The following CEP128 variants were observed in gnomAD, a reference collection of about 807,000 sequenced individuals.
The protein encoded by CEP128 is centrosomal protein 128kDa.
A neutral mutation model predicts 156.7 loss-of-function variants in CEP128; 132 were observed. That is an observed-to-expected ratio of 0.84 (90% CI 0.73 to 0.97). The LOEUF (loss-of-function observed/expected upper bound fraction) is 0.97. Ranked by LOEUF, CEP128 falls within the 50% of genes least tolerant of loss-of-function variation. The pLI, the probability that CEP128 is intolerant of heterozygous loss-of-function variation, is 0.00. For synonymous variants in CEP128, 469 were observed against 448.9 expected (o/e 1.04, Z -0.57); for missense variants, 1,252 against 1,281.9 (o/e 0.98, Z 0.36).
chr14:80,879,826 C>A (rs1412913386), intron 8 of CEP128, among the ~76,000 whole-genome samples: 1 of 113,132 alleles, frequency 8.8e-6, no homozygotes, highest in Non-Finnish European at 1.9e-5. Context: ...ATCTACGAAG[C>A]TCAAATGTTC....
At chr14:80,825,202 G>T (rs777500192) in intron 13 of CEP128, among the ~76,000 whole-genome samples, 2 of 152,196 alleles carry the variant, frequency 1.3e-5, no homozygotes, top group Admixed American at 6.5e-5. Context: ...TGAGATTTCG[G>T]TGGGGACACA....
At chr14:80,668,871 C>T (rs1405859599) in intron 19 of CEP128, among the ~76,000 whole-genome samples, 1 of 152,144 alleles carries the variant, frequency 6.6e-6, no homozygotes, top group Non-Finnish European at 1.5e-5. Context: ...ATAAGTCTCA[C>T]AAGATGATGG....
At chr14:80,595,174 A>G (rs916901353) in intron 19 of CEP128, among the ~76,000 whole-genome samples, 2 of 152,230 alleles carry the variant, frequency 1.3e-5, no homozygotes, top group African/African-American at 4.8e-5. Context: ...CTTTGCAGGG[A>G]CATGGATGAA....
chr14:80,752,390 C>T (rs1009954311), intron 18 of CEP128, among the ~76,000 whole-genome samples: 8 of 152,124 alleles, frequency 5.3e-5, no homozygotes, highest in Non-Finnish European at 2.9e-5. Context: ...TACCTTTTCA[C>T]TAAGTTATAA....
At chr14:80,547,680 A>C (rs1890042175) in intron 21 of CEP128, among the ~76,000 whole-genome samples, 1 of 152,174 alleles carries the variant, frequency 6.6e-6, no homozygotes, top group South Asian at 2.1e-4. Context: ...TACATAATAT[A>C]ATATGATTAA....
intron 14 of CEP128, among the ~76,000 whole-genome samples, chr14:80,485,215 C>T (rs1030669396): frequency 6.6e-6 from 1 of 152,104 alleles, no homozygotes; most frequent in African/African-American, 2.4e-5. Flanking sequence ...AAGATCCTTG[C>T]TTCTGGAAAG....
At chr14:80,922,893 G>T (rs1884947637) in intron 2 of CEP128, among the ~76,000 whole-genome samples, 1 of 152,192 alleles carries the variant, frequency 6.6e-6, no homozygotes, top group Non-Finnish European at 1.5e-5. Context: ...GCTGAGAAAG[G>T]TATTTCTTTC....
At chr14:80,821,015 A>AT (rs1383103402) in intron 13 of CEP128, among the ~76,000 whole-genome samples, 1 of 152,208 alleles carries the variant, frequency 6.6e-6, no homozygotes, top group Non-Finnish European at 1.5e-5. Flanking sequence ...ACCATTGTTT[A>AT]TATTAGTCAT....
At chr14:80,524,025 T>C (rs1888867365) in intron 23 of CEP128, among the ~76,000 whole-genome samples, 1 of 152,212 alleles carries the variant, frequency 6.6e-6, no homozygotes, top group Non-Finnish European at 1.5e-5. Flanking sequence ...ACAAAAACAG[T>C]TGGCAGGCAA....
At chr14:80,685,867 C>G (rs1174028883) in intron 19 of CEP128, among the ~76,000 whole-genome samples, 2 of 152,074 alleles carry the variant, frequency 1.3e-5, no homozygotes, top group African/African-American at 4.8e-5. Context: ...GGAAGAACCC[C>G]TATTCAATAA....
chr14:80,731,972 T>C (rs946941302), intron 19 of CEP128, among the ~76,000 whole-genome samples: 1 of 152,234 alleles, frequency 6.6e-6, no homozygotes, highest in Non-Finnish European at 1.5e-5. Context: ...TTAGAAATTA[T>C]AGGGGAGTGT....
intron 3 of CEP128, among the ~76,000 whole-genome samples, chr14:80,914,770 T>C (rs1268869292): frequency 2.6e-5 from 4 of 152,302 alleles, no homozygotes; most frequent in South Asian, 4.1e-4. Context: ...GCAAATCTAG[T>C]AGACTGTGTA....
intron 8 of CEP128, among the ~76,000 whole-genome samples, chr14:80,879,014 T>C (rs1888409234): frequency 3.9e-5 from 6 of 152,156 alleles, no homozygotes; most frequent in Admixed American, 3.9e-4. Context: ...TCTAATAACC[T>C]ACACAGTCAC....
intron 14 of CEP128, among the ~76,000 whole-genome samples, chr14:80,479,306 A>G (rs1204960594): frequency 1.3e-5 from 2 of 152,178 alleles, no homozygotes; most frequent in African/African-American, 4.8e-5. Flanking sequence ...TAAAACATTG[A>G]AAAACAAGGG....
chr14:80,895,720 C>T lies in CEP128; in HGVS notation c.643G>A (p.Val215Met), dbSNP rs759264856. Residue 215 changes from valine (V) to methionine (M), a missense_variant and splice_region_variant, in exon 8 of 25, where the codon GTG becomes ATG. By Grantham distance (21) the Val-to-Met change is conservative (BLOSUM62 1). Coordinates refer to ENST00000555265, the MANE Select transcript of CEP128 (RefSeq NM_152446.5). ...EKLNEAQKQE[V>M]VSDRVERRLQ... ...TTTTATTAAAAAAGAGATCTCACCA[C>T]TTCTTGTTTCTGGGCTTCATTAAGT... 63 of 1,558,628 alleles carry T rather than the reference C, an allele frequency of 4.0e-5. No homozygotes were observed. The highest frequency in any genetic ancestry group is 5.5e-5 in the Non-Finnish European group (63 of 1,152,134).
chr14:80,731,702 C>T (rs769378917), intron 19 of CEP128, among the ~76,000 whole-genome samples: 2 of 152,086 alleles, frequency 1.3e-5, no homozygotes, highest in East Asian at 3.9e-4. Flanking sequence ...ACATCAAAAT[C>T]TCGGTAAATA....
chr14:80,499,934 T>C (rs1280420100), intron 24 of CEP128, among the ~76,000 whole-genome samples: 1 of 152,186 alleles, frequency 6.6e-6, no homozygotes, highest in East Asian at 1.9e-4. Context: ...TAAAAGAGTG[T>C]CCTGACTCAC....
At chr14:80,688,420 C>T (rs568366043) in intron 19 of CEP128, among the ~76,000 whole-genome samples, 2 of 152,282 alleles carry the variant, frequency 1.3e-5, no homozygotes, top group South Asian at 4.1e-4. Flanking sequence ...CAGTTATTCA[C>T]TAGCCTATTC....
intron 8 of CEP128, among the ~76,000 whole-genome samples, chr14:80,872,895 A>G (rs1329402554): frequency 6.6e-6 from 1 of 152,232 alleles, no homozygotes; most frequent in African/African-American, 2.4e-5. Flanking sequence ...TCTTAATTCC[A>G]ACAATGTTAT....
Sources: gnomAD v4.1 joint callset for allele counts (sites outside exome capture counted in the v4.1 genomes callset) on GRCh38, gnomAD v4.1.1 for gene constraint, MANE v1.5 for transcripts, NCBI Gene and HGNC (gene_info 2026-07-23, HGNC 2026-07-21) for gene names.